Variants in MROH2A observed in about 807,000 individuals in gnomAD.
MROH2A encodes the protein maestro heat-like repeat-containing protein family member 2A.
A neutral mutation model predicts 200.4 loss-of-function variants in MROH2A; 174 were observed. The observed-to-expected ratio is 0.87, with a 90% CI of 0.77 to 0.98. The LOEUF is 0.98. MROH2A is among the 50% of genes least tolerant of loss of function. MROH2A has a pLI of 0.00. For synonymous variants in MROH2A, 829 were observed against 840.4 expected, an observed-to-expected ratio of 0.99 and a Z score of 0.23; for missense variants, 2,045 against 2,139.6, an observed-to-expected ratio of 0.96 and a Z score of 0.87.
intron 39 of MROH2A, 42 bp from the exon 40 acceptor site, chr2:233,832,135 G>T: frequency 6.8e-7 from 1 of 1,467,810 alleles, no homozygotes; most frequent in South Asian, 1.2e-5. Context: ...CATTGTCAGG[G>T]TCTCATCCTC....
intron 12 of MROH2A, among the ~76,000 whole-genome samples, chr2:233,799,388 C>T (rs533254290): frequency 1.2e-3 from 180 of 152,256 alleles, no homozygotes; most frequent in African/African-American, 4.1e-3. Flanking sequence ...GAGCTGTCTT[C>T]AGTCCCTGGA....
chr2:233,822,096 A>C, intron 31 of MROH2A, 28 bp from the exon 32 acceptor site: 1 of 1,538,046 alleles, frequency 6.5e-7, no homozygotes, highest in Non-Finnish European at 8.8e-7. Context: ...CAGGAAACTC[A>C]CAGTCCTTGT....
chr2:233,817,263 G>A (rs996503302), intron 27 of MROH2A, among the ~76,000 whole-genome samples: 1 of 152,188 alleles, frequency 6.6e-6, no homozygotes, highest in African/African-American at 2.4e-5. Flanking sequence ...TGTCTAGAAC[G>A]ACGTAGTGTT....
Position 233,822,986 on chromosome 2 carries a change from G to T in MROH2A, c.3972G>T (p.Gly1324=), listed in dbSNP as rs1307051395. Reference sequence around the variant, plus strand: ...TGTGGGACCTCCTGCAGGACGGCGGGACATTCCTGGAGGGTGTGAGCCTGC... The same window carrying T: ...TGTGGGACCTCCTGCAGGACGGCGGTACATTCCTGGAGGGTGTGAGCCTGC... ...QAVWDLLQDG[G]TFLEGVSLLA... is the part of the protein sequence containing the mutation. Residue 1324 remains glycine, a synonymous_variant, in exon 34 of 42, where the codon GGG becomes GGT. Coordinates refer to ENST00000389758, the MANE Select transcript of MROH2A (RefSeq NM_001394639.1). The T allele has an allele frequency of 3.2e-6, 5 of 1,550,324 alleles. No individual in the cohort carries two copies. Among genetic ancestry groups the T allele is most frequent in the Non-Finnish European group, 4.4e-6 (5 of 1,146,982 alleles).
chr2:233,781,151 G>A (rs879732717), intron 3 of MROH2A, among the ~76,000 whole-genome samples: 11 of 152,034 alleles, frequency 7.2e-5, no homozygotes, highest in Admixed American at 2.6e-4. Flanking sequence ...GGGTACTTAC[G>A]TTGATTCCAT....
At position 233,795,808 on chromosome 2, in the gene MROH2A, G is replaced by C. The variant is rs950763418; in HGVS notation, c.1059+63G>C. 3.9e-6 allele frequency: 6 copies of C among 1,550,318 alleles called. No homozygotes were observed. In the Admixed American group the frequency reaches 7.8e-5, roughly 20 times the overall value. On this transcript the variant is annotated intron_variant, in intron 9 of 41. Transcript: ENST00000389758. ...TGGGTGGATCAGCAGGAAGCTGGCG[G>C]CGGGAGGTGGCCTGGCCCACAACTC...
intron 8 of MROH2A, among the ~76,000 whole-genome samples, chr2:233,794,997 G>A (rs763376893): frequency 2.6e-4 from 39 of 152,094 alleles, no homozygotes; most frequent in East Asian, 9.7e-4. Flanking sequence ...TCCTCATTGC[G>A]TGGCCTTTCC....
Position 233,818,055 on chromosome 2 carries a change from C to A in MROH2A, c.3015C>A (p.Cys1005Ter), listed in dbSNP as rs1382330967. The A allele has an allele frequency of 6.4e-7, 1 of 1,551,008 alleles. No individual in the cohort carries two copies. Among genetic ancestry groups the A allele is most frequent in the Admixed American group, 2.0e-5 (1 of 51,018 alleles). The change falls in exon 28 of 42, where the codon TGC becomes TGA. Residue 1005 changes from cysteine to a stop codon, truncating the protein, a stop_gained. Transcript: ENST00000389758. LOFTEE classifies it high-confidence loss of function. ...FGTMVGLIAP[C>*]TCDAHQRTRM... ...CAATGGTCGGACTCATTGCCCCGTGCACCTGTGATGCCCATCAAAGAACCC... is the reference window on the plus strand; with the variant it reads ...CAATGGTCGGACTCATTGCCCCGTGAACCTGTGATGCCCATCAAAGAACCC...
rs745539802 is a variant in MROH2A, at chr2:233,805,064, G to A, written c.2005G>A (p.Glu669Lys). Reference protein sequence around the residue: ...GSSWSLRLSKELNNQIASFDS... With the variant: ...GSSWSLRLSKKLNNQIASFDS... ...TAGCTGGAGCCTGCGCTTGAGTAAA[G>A]AGCTGAACAACCAGATTGCGAGCTT... Residue 669 changes from glutamate (E) to lysine (K), a missense_variant, in exon 19 of 42, where the codon GAG becomes AAG. This residue lies in a region of MROH2A where 1,201 missense variants were observed against 1,311.3 expected (regional missense o/e 0.92). Transcript: ENST00000389758. 2.9e-5 allele frequency: 45 copies of A among 1,550,134 alleles called. No individual in the cohort carries two copies. The highest frequency in any genetic ancestry group is 7.8e-5 in the Admixed American group (4 of 50,978).
At chr2:233,788,145 A>ATATTATATATAC (rs1491258331) in intron 3 of MROH2A, among the ~76,000 whole-genome samples, 1 of 107,708 alleles carries the variant, frequency 9.3e-6, no homozygotes, top group African/African-American at 3.7e-5. Flanking sequence ...ATATATATAT[A>ATATTATATATAC]ATATATATTT....
chr2:233,803,607 G>A (rs1702610620), intron 16 of MROH2A, 119 bp downstream of exon 16: 2 of 1,052,320 alleles, frequency 1.9e-6, no homozygotes, highest in Non-Finnish European at 2.8e-6. Context: ...TGCAATGAGG[G>A]AGTTTGATGC....
At chr2:233,823,125 C>G (rs771540794) in intron 34 of MROH2A, 107 bp downstream of exon 34, 9 of 1,241,178 alleles carry the variant, frequency 7.3e-6, no homozygotes, top group African/African-American at 1.5e-5. Flanking sequence ...TGAAGGCCTT[C>G]TTTCTGGGGG....
At chr2:233,810,996 C>G in intron 23 of MROH2A, 80 bp downstream of exon 23, 4 of 1,485,776 alleles carry the variant, frequency 2.7e-6, no homozygotes, top group Non-Finnish European at 3.6e-6. Context: ...TTTCAAAGTT[C>G]CTGAGGGCAT....
At chr2:233,797,867 A>C (rs935862208) in intron 11 of MROH2A, among the ~76,000 whole-genome samples, 1 of 152,198 alleles carries the variant, frequency 6.6e-6, no homozygotes, top group Non-Finnish European at 1.5e-5. Flanking sequence ...AATTTGCTGA[A>C]GATGATGGTT....
chr2:233,794,157 G>T (rs1701956772), intron 7 of MROH2A, among the ~76,000 whole-genome samples: 1 of 152,178 alleles, frequency 6.6e-6, no homozygotes, highest in Admixed American at 6.5e-5. Flanking sequence ...GGAAACTCAG[G>T]CACAGAGGGG....
intron 2 of MROH2A, 100 bp downstream of exon 2, chr2:233,779,552 T>C: frequency 1.4e-6 from 2 of 1,390,896 alleles, no homozygotes; most frequent in Admixed American, 4.0e-5. Flanking sequence ...ATCTGCACAG[T>C]GGACATCATA....
chr2:233,791,900 AG>A (rs1701788628), intron 5 of MROH2A, among the ~76,000 whole-genome samples: 1 of 151,980 alleles, frequency 6.6e-6, no homozygotes, highest in Admixed American at 6.5e-5. Context: ...GACAGCAGCG[AG>A]GGGGATTATT....
intron 27 of MROH2A, among the ~76,000 whole-genome samples, 175 bp from the exon 28 acceptor site, chr2:233,817,827 G>T (rs1382884559): frequency 6.6e-6 from 1 of 152,222 alleles, no homozygotes; most frequent in Non-Finnish European, 1.5e-5. Flanking sequence ...GCCCAGCTGT[G>T]GGCAGGGGAG....
Position 233,823,670 on chromosome 2 carries a change from A to G in MROH2A, c.4113+6A>G. ...TCAGCAGCACAGCGGTCTGCGTGGAAATGAGGCACCGGGTGTGGGCGGGGT... is the reference window on the plus strand; with the variant it reads ...TCAGCAGCACAGCGGTCTGCGTGGAGATGAGGCACCGGGTGTGGGCGGGGT... On this transcript the variant is annotated splice_donor_region_variant and intron_variant, in intron 35 of 41. Transcript: ENST00000389758. 6.5e-7 allele frequency: 1 copy of G among 1,549,406 alleles called. No homozygotes were observed. The highest frequency in any genetic ancestry group is 8.7e-7 in the Non-Finnish European group (1 of 1,146,140).
Sources: gnomAD v4.1 joint callset for allele counts (sites outside exome capture counted in the v4.1 genomes callset) on GRCh38, gnomAD v4.1.1 for gene constraint, gnomAD v4.1.1 regional missense constraint, MANE v1.5 for transcripts, NCBI Gene and HGNC (gene_info 2026-07-23, HGNC 2026-07-21) for gene names.